NLRP14: variants seen among roughly 807,000 people sequenced by gnomAD.
NLRP14 encodes NACHT, LRR and PYD domains-containing protein 14.
NLRP14 carries 105 observed loss-of-function variants against 94.7 expected under a neutral mutation model. That is an observed-to-expected ratio of 1.11 (90% confidence interval 0.95 to 1.30). NLRP14 has a LOEUF of 1.30. Ranked by LOEUF, NLRP14 falls within the 50% of genes most tolerant of loss-of-function variation. The pLI is 0.00. For synonymous variants in NLRP14, 508 were observed against 459.9 expected (o/e 1.10, Z -1.34); for missense variants, 1,362 against 1,254.1 (o/e 1.09, Z -1.30).
intron 1 of NLRP14, among the ~76,000 whole-genome samples, chr11:7,025,538 C>G (rs1852002402): frequency 6.6e-6 from 1 of 151,974 alleles, no homozygotes; most frequent in African/African-American, 2.4e-5. Flanking sequence ...ATAAAGGATG[C>G]AATAAATTAT....
the NLRP14 span, chr11:7,090,404 T>C: frequency 7.3e-7 from 1 of 1,369,980 alleles, no homozygotes; most frequent in Non-Finnish European, 1.0e-6. Flanking sequence ...AAGAGTTGTT[T>C]TTACCTTTTA....
Position 7,043,724 on chromosome 11 carries a change from A to T in NLRP14, c.1698A>T (p.Val566=), listed in dbSNP as rs1852307918. 1.2e-6 allele frequency: 2 copies of T among 1,614,188 alleles called. No homozygotes were observed. The highest frequency in any genetic ancestry group is 1.7e-6 in the Non-Finnish European group (2 of 1,179,988). ...CAAAGTTACTTCAGTGTATGGAAGT[A>T]TTAGGAAACAGTGACTATTCTCCAT... is the stretch of plus-strand genomic sequence containing the variant. ...IKSKLLQCME[V]LGNSDYSPSQ... is the part of the protein sequence containing the mutation. Residue 566 remains valine, a synonymous_variant, in exon 4 of 12, where the codon GTA becomes GTT. Transcript: ENST00000299481.
At chr11:7,072,768 CTT>C (rs1235762011), downstream of NLRP14, among the ~76,000 whole-genome samples, 1 of 152,178 alleles carries the variant, frequency 6.6e-6, no homozygotes, top group East Asian at 1.9e-4. Flanking sequence ...ACAGTTGAAA[CTT>C]TATCAGGGAT....
At chr11:7,086,016 C>T in the NLRP14 span, among the ~76,000 whole-genome samples, 1 of 152,258 alleles carries the variant, frequency 6.6e-6, no homozygotes, top group African/African-American at 2.4e-5. Flanking sequence ...GGTGGGTGTA[C>T]AAATATCTAA....
intron 6 of NLRP14, 117 bp from the exon 7 acceptor site, chr11:7,057,560 G>C (rs972091914): frequency 1.0e-6 from 1 of 988,732 alleles, no homozygotes. Context: ...AGAGAAGTTG[G>C]ATTTTTCAGG....
At chr11:7,088,994 C>T in the NLRP14 span, 2 of 1,148,542 alleles carry the variant, frequency 1.7e-6, no homozygotes, top group Non-Finnish European at 2.5e-6. Context: ...GGCTGCGGTT[C>T]CGTGGACTCG....
At chr11:7,072,408 G>A (rs1852814373), downstream of NLRP14, among the ~76,000 whole-genome samples, 1 of 152,232 alleles carries the variant, frequency 6.6e-6, no homozygotes, top group South Asian at 2.1e-4. Context: ...CTGAGAGGCA[G>A]AAGTAGGTTT....
In NLRP14 at chr11:7,071,208, AGC is replaced by A; in HGVS notation, c.3183_3184del (p.Lys1061AsnfsTer8). 1 of 1,613,876 alleles carries A rather than the reference AGC, an allele frequency of 6.2e-7. No homozygotes were observed. The highest frequency in any genetic ancestry group is 1.1e-5 in the South Asian group (1 of 91,078). On this transcript the variant is annotated frameshift_variant, in exon 12 of 12. Transcript: ENST00000299481. LOFTEE classifies it low-confidence loss of function (END_TRUNC). ...GAGGCATTTGATGAGGAAGCCCAGA[AGC>A]TGCTGGAAGCTGTGGGAGTTAGCAA...
chr11:7,047,420 C>T lies in NLRP14; in HGVS notation c.2123+588C>T, dbSNP rs994178155. ...CTGGGCTCAAGCAATCCTGCCACCT[C>T]AGCCTCCCAAGTAGCTGGGATTACA... On this transcript the variant is annotated intron_variant, in intron 5 of 11. Coordinates refer to ENST00000299481, the MANE Select transcript of NLRP14 (RefSeq NM_176822.4). 4.6e-5 allele frequency among the ~76,000 whole-genome samples: 7 copies of T among 151,734 alleles called. No individual in the cohort carries two copies. The South Asian group carries it at 1.5e-3, about 32-fold the overall frequency.
Position 7,038,715 on chromosome 11 carries a change from C to A in NLRP14, c.129C>A (p.Gly43=). ...AGGAGACCATGGAACCTGAGCATGG[C>A]CTGACACCCTGGAATGAAGTGAAGA... ...FLKETMEPEH[G]LTPWNEVKKA... The change falls in exon 2 of 12, where the codon GGC becomes GGA. Residue 43 remains glycine, a synonymous_variant. Transcript: ENST00000299481. The A allele has an allele frequency of 1.9e-6, 3 of 1,614,048 alleles. No homozygotes were observed. The African/African-American group carries it at 4.0e-5, about 22-fold the overall frequency.
chr11:7,041,751 T>C (rs578211535), intron 3 of NLRP14, among the ~76,000 whole-genome samples: 1 of 152,276 alleles, frequency 6.6e-6, no homozygotes, highest in East Asian at 1.9e-4. Flanking sequence ...AAAGGGGAAG[T>C]AGTCTAGCGA....
At position 7,068,278 on chromosome 11, in the gene NLRP14, T is replaced by C. The variant is rs192523196; in HGVS notation, c.2976-2008T>C. On this transcript the variant is annotated intron_variant, in intron 10 of 11. Transcript: ENST00000299481. Reference sequence around the variant, plus strand: ...TACTTTTGTTGGGTTTATTTTACCATTTACTAAATTCTTGAGTTGTATGCT... The same window carrying C: ...TACTTTTGTTGGGTTTATTTTACCACTTACTAAATTCTTGAGTTGTATGCT... Among the ~76,000 whole-genome samples, 388 of 152,298 alleles carry C rather than the reference T, an allele frequency of 2.5e-3. 3 individuals carry two copies. Among genetic ancestry groups the C allele is most frequent in the African/African-American group, 9.1e-3 (380 of 41,576 alleles).
chr11:7,077,847 A>G, the NLRP14 span, among the ~76,000 whole-genome samples: 1 of 152,198 alleles, frequency 6.6e-6, no homozygotes, highest in African/African-American at 2.4e-5. Context: ...TGAGAATTCA[A>G]GATGAGATTT....
At chr11:7,053,778 CATTT>C (rs1405760625) in intron 6 of NLRP14, among the ~76,000 whole-genome samples, 3 of 152,108 alleles carry the variant, frequency 2.0e-5, no homozygotes, top group South Asian at 2.1e-4. Flanking sequence ...TCACCTCACG[CATTT>C]ATTTATCCTT....
chr11:7,057,589 G>C, intron 6 of NLRP14, 88 bp from the exon 7 acceptor site: 1 of 1,282,628 alleles, frequency 7.8e-7, no homozygotes, highest in Non-Finnish European at 1.1e-6. Context: ...CAAAGATTAG[G>C]AAACTTCCTA....
In NLRP14 at chr11:7,046,669, G is replaced by A. The variant is rs1212377059; in HGVS notation, c.1960G>A (p.Asp654Asn). Residue 654 changes from aspartate (D) to asparagine (N), a missense_variant and splice_region_variant, in exon 5 of 12, where the codon GAT becomes AAT. Asp to Asn is a conservative substitution (Grantham distance 23, BLOSUM62 1). Transcript: ENST00000299481. ...LKTSLPTNTW[D>N]GDRITHCWQD... The stretch of plus-strand genomic sequence containing the variant: ...CTTTTCTCAATTATTTATGCAAAGG[G>A]ATGGTGATCGCATTACTCACTGTTG... 4 of 1,612,656 alleles carry A rather than the reference G, an allele frequency of 2.5e-6. No homozygotes were observed. In the African/African-American group the frequency reaches 5.3e-5, roughly 22 times the overall value.
At chr11:7,050,229 G>A (rs1435487699) in intron 6 of NLRP14, among the ~76,000 whole-genome samples, 1 of 152,152 alleles carries the variant, frequency 6.6e-6, no homozygotes, top group East Asian at 1.9e-4. Flanking sequence ...GGCAGTGCTG[G>A]GGCAGACTCA....
intron 3 of NLRP14, among the ~76,000 whole-genome samples, chr11:7,041,492 A>T (rs1852248904): frequency 6.6e-6 from 1 of 152,052 alleles, no homozygotes; most frequent in South Asian, 2.1e-4. Context: ...TTTGGTTATT[A>T]TTTGGGGGGA....
At chr11:7,062,893 C>T (rs1305276856) in intron 10 of NLRP14, among the ~76,000 whole-genome samples, 3 of 152,096 alleles carry the variant, frequency 2.0e-5, no homozygotes, top group Non-Finnish European at 4.4e-5. Context: ...AATAAAATCA[C>T]ATTCTGTGTT....
Sources: gnomAD v4.1 joint callset for allele counts (sites outside exome capture counted in the v4.1 genomes callset) on GRCh38, gnomAD v4.1.1 for gene constraint, MANE v1.5 for transcripts, NCBI Gene and HGNC (gene_info 2026-07-23, HGNC 2026-07-21) for gene names.